Variants in ARHGAP15 observed in about 807,000 individuals in gnomAD.
The protein encoded by ARHGAP15 is rho GTPase-activating protein 15.
ARHGAP15 carries 51 observed loss-of-function variants against 63.7 expected under a neutral mutation model. The observed-to-expected ratio is 0.80, with a 90% CI of 0.64 to 1.01. ARHGAP15 has a LOEUF of 1.01. Ranked by LOEUF, ARHGAP15 falls within the 50% of genes least tolerant of loss-of-function variation. The probability of loss-of-function intolerance (pLI) is 0.00; values close to 1 mark genes in which losing one functional copy is unlikely to be tolerated. For missense variants in ARHGAP15, 560 were observed against 564.6 expected (o/e 0.99, Z 0.08); for synonymous variants, 191 against 193.8 (o/e 0.99, Z 0.12).
intron 10 of ARHGAP15, among the ~76,000 whole-genome samples, chr2:143,535,409 T>C (rs1694709133): frequency 1.3e-5 from 2 of 152,172 alleles, no homozygotes; most frequent in African/African-American, 4.8e-5. Flanking sequence ...TACTAAAGCG[T>C]ATATGACCAG....
chr2:143,453,478 T>G (rs2105139224), intron 8 of ARHGAP15, among the ~76,000 whole-genome samples: 1 of 152,188 alleles, frequency 6.6e-6, no homozygotes, highest in Non-Finnish European at 1.5e-5. Context: ...ATGTAAGTAC[T>G]CAATAAATGT....
intron 11 of ARHGAP15, among the ~76,000 whole-genome samples, chr2:143,563,520 T>A (rs997509060): frequency 4.6e-5 from 7 of 152,194 alleles, no homozygotes; most frequent in Admixed American, 1.3e-4. Context: ...TATTCTAAAT[T>A]GCAAAGAATA....
intron 13 of ARHGAP15, among the ~76,000 whole-genome samples, chr2:143,734,384 T>A (rs1685664739): frequency 6.6e-6 from 1 of 152,198 alleles, no homozygotes. Context: ...CACTGGCATC[T>A]TTGGCATCGC....
At chr2:143,477,031 G>A (rs576457344) in intron 8 of ARHGAP15, among the ~76,000 whole-genome samples, 34 of 152,258 alleles carry the variant, frequency 2.2e-4, no homozygotes, top group African/African-American at 6.7e-4. Context: ...TCAGAAAGTC[G>A]TTAATGGATA....
intron 2 of ARHGAP15, among the ~76,000 whole-genome samples, chr2:143,194,839 C>T (rs16858786): frequency 0.17 from 25,572 of 152,042 alleles, 2,331 homozygotes; most frequent in Middle Eastern, 0.24. Context: ...AAGGTCATGA[C>T]GCAGTTTGAT....
At chr2:143,661,646 A>G (rs1681784735) in intron 12 of ARHGAP15, among the ~76,000 whole-genome samples, 1 of 152,184 alleles carries the variant, frequency 6.6e-6, no homozygotes, top group African/African-American at 2.4e-5. Flanking sequence ...TGATTTCTGC[A>G]TTTCCATCTG....
intron 4 of ARHGAP15, among the ~76,000 whole-genome samples, chr2:143,221,796 G>A (rs1431678450): frequency 1.3e-5 from 2 of 152,118 alleles, no homozygotes; most frequent in African/African-American, 4.8e-5. Context: ...ATACTTGGGG[G>A]TGAAAATATG....
At chr2:143,468,040 C>A (rs1233298914) in intron 8 of ARHGAP15, among the ~76,000 whole-genome samples, 1 of 152,034 alleles carries the variant, frequency 6.6e-6, no homozygotes, top group Admixed American at 6.5e-5. Context: ...TTCCTTAAAG[C>A]TGGAAAACAT....
chr2:143,624,507 C>A (rs1362606016), intron 12 of ARHGAP15, among the ~76,000 whole-genome samples: 1 of 151,982 alleles, frequency 6.6e-6, no homozygotes, highest in Non-Finnish European at 1.5e-5. Context: ...TTTAGGGTAG[C>A]CAATTTAACT....
At chr2:143,152,183 TC>T (rs1474862771) in intron 1 of ARHGAP15, among the ~76,000 whole-genome samples, 1 of 151,932 alleles carries the variant, frequency 6.6e-6, no homozygotes, top group African/African-American at 2.4e-5. Context: ...TGATCAGATA[TC>T]CCCACAGAGA....
At chr2:143,248,916 G>A (rs1390856906) in intron 5 of ARHGAP15, among the ~76,000 whole-genome samples, 1 of 152,072 alleles carries the variant, frequency 6.6e-6, no homozygotes, top group East Asian at 1.9e-4. Flanking sequence ...TTGACTGTAT[G>A]GGAAAAATAA....
intron 12 of ARHGAP15, among the ~76,000 whole-genome samples, chr2:143,642,419 G>GGTAA (rs1301606632): frequency 1.3e-5 from 2 of 151,884 alleles, no homozygotes; most frequent in African/African-American, 4.8e-5. Context: ...TTATGCCTAG[G>GGTAA]GTAAGTTTCC....
intron 2 of ARHGAP15, among the ~76,000 whole-genome samples, chr2:143,174,216 A>G (rs1690918669): frequency 6.6e-6 from 1 of 152,132 alleles, no homozygotes; most frequent in Admixed American, 6.6e-5. Context: ...CAATTATTAA[A>G]GCTGTAACTG....
At chr2:143,227,328 A>G (rs927990525) in intron 4 of ARHGAP15, among the ~76,000 whole-genome samples, 10 of 152,172 alleles carry the variant, frequency 6.6e-5, no homozygotes, top group Non-Finnish European at 1.3e-4. Context: ...TTTCCAGGCC[A>G]AAGTTCAGTC....
intron 6 of ARHGAP15, among the ~76,000 whole-genome samples, chr2:143,376,444 A>C (rs1381865048): frequency 6.6e-6 from 1 of 152,134 alleles, no homozygotes; most frequent in Non-Finnish European, 1.5e-5. Flanking sequence ...GGCTTGCGTA[A>C]GGTTGGTGTA....
At chr2:143,492,327 T>C (rs1296302197) in intron 9 of ARHGAP15, among the ~76,000 whole-genome samples, 1 of 152,152 alleles carries the variant, frequency 6.6e-6, no homozygotes, top group African/African-American at 2.4e-5. Flanking sequence ...AAGCCTCCAT[T>C]GGTAAGATGA....
chr2:143,609,141 T>C (rs1698158204), intron 11 of ARHGAP15, among the ~76,000 whole-genome samples: 1 of 152,170 alleles, frequency 6.6e-6, no homozygotes. Context: ...GCCCCCAAAT[T>C]CAGAAATCCA....
intron 9 of ARHGAP15, among the ~76,000 whole-genome samples, chr2:143,505,924 T>C (rs1693292049): frequency 6.6e-6 from 1 of 152,222 alleles, no homozygotes; most frequent in Non-Finnish European, 1.5e-5. Context: ...GCACTCAGCA[T>C]TAGTGGCTTT....
chr2:143,204,944 A>G (rs1692268677), intron 3 of ARHGAP15, among the ~76,000 whole-genome samples: 1 of 151,890 alleles, frequency 6.6e-6, no homozygotes, highest in Non-Finnish European at 1.5e-5. Context: ...CTCTTAAAAA[A>G]AAAATGAAAC....
Sources: gnomAD v4.1 joint callset for allele counts (sites outside exome capture counted in the v4.1 genomes callset) on GRCh38, gnomAD v4.1.1 for gene constraint, MANE v1.5 for transcripts, NCBI Gene and HGNC (gene_info 2026-07-23, HGNC 2026-07-21) for gene names.